Variants in CNTNAP4 observed in about 807,000 individuals in gnomAD.
The protein encoded by CNTNAP4 is contactin associated protein family member 4, also known as contactin-associated protein-like 4.
In CNTNAP4, 98 loss-of-function variants were observed where a neutral mutation model predicts 148.4. The ratio of observed to expected loss-of-function variants is 0.66; its 90% CI spans 0.56 to 0.78. CNTNAP4 has a LOEUF of 0.78. Among genes scored for constraint, CNTNAP4 ranks in the 30% least tolerant of loss-of-function variants. The pLI is 0.00. For missense variants in CNTNAP4, 1,935 were observed against 1,565.6 expected (o/e 1.24, Z -3.98); for synonymous variants, 730 against 565.1 (o/e 1.29, Z -4.14).
intron 15 of CNTNAP4, among the ~76,000 whole-genome samples, chr16:76,503,044 T>C (rs1022127070): frequency 3.3e-5 from 5 of 152,200 alleles, no homozygotes; most frequent in African/African-American, 1.2e-4. Context: ...CAATTTCATT[T>C]TACTGCTGCT....
intron 15 of CNTNAP4, among the ~76,000 whole-genome samples, chr16:76,507,912 A>G (rs2082887506): frequency 2.1e-5 from 2 of 97,002 alleles, no homozygotes; most frequent in African/African-American, 5.2e-5. Flanking sequence ...TATCTGCAAA[A>G]TCTCCCTAAT....
intron 2 of CNTNAP4, among the ~76,000 whole-genome samples, chr16:76,327,614 C>A (rs1963122371): frequency 6.6e-6 from 1 of 152,172 alleles, no homozygotes; most frequent in Admixed American, 6.5e-5. Flanking sequence ...AGGGTCTCAT[C>A]TAGGGCTGTA....
chr16:76,376,796 G>T (rs541487903), intron 3 of CNTNAP4, among the ~76,000 whole-genome samples: 1 of 152,284 alleles, frequency 6.6e-6, no homozygotes, highest in East Asian at 1.9e-4. Flanking sequence ...TGGAGGAAGA[G>T]AAGTACCATG....
At chr16:76,306,104 A>C (rs1960453063) in intron 1 of CNTNAP4, among the ~76,000 whole-genome samples, 1 of 152,170 alleles carries the variant, frequency 6.6e-6, no homozygotes, top group African/African-American at 2.4e-5. Flanking sequence ...TATTCTGAAC[A>C]GTATGGTGAT....
At chr16:76,346,935 C>T (rs1246396316) in intron 2 of CNTNAP4, among the ~76,000 whole-genome samples, 1 of 152,066 alleles carries the variant, frequency 6.6e-6, no homozygotes, top group East Asian at 1.9e-4. Context: ...TGCCAGTTTG[C>T]CATGAGGGAA....
At chr16:76,412,627 T>C (rs1568060074) in intron 3 of CNTNAP4, among the ~76,000 whole-genome samples, 1 of 151,338 alleles carries the variant, frequency 6.6e-6, no homozygotes, top group East Asian at 1.9e-4. Context: ...CAATGTCTAA[T>C]AAGATTAGCA....
At chr16:76,305,924 T>C (rs9944326) in intron 1 of CNTNAP4, among the ~76,000 whole-genome samples, 40,711 of 152,164 alleles carry the variant, frequency 0.27, 6,128 homozygotes, top group Non-Finnish European at 0.35. Flanking sequence ...GCTTTTCTCT[T>C]CCTGCATTAA....
chr16:76,517,929 AT>A (rs1470718283), intron 15 of CNTNAP4, among the ~76,000 whole-genome samples: 9 of 152,148 alleles, frequency 5.9e-5, no homozygotes, highest in Non-Finnish European at 2.9e-5. Flanking sequence ...AAAATAAATT[AT>A]TTTTAAAAGT....
At chr16:76,359,250 C>A (rs1476630483) in intron 3 of CNTNAP4, among the ~76,000 whole-genome samples, 2 of 152,122 alleles carry the variant, frequency 1.3e-5, no homozygotes, top group Non-Finnish European at 2.9e-5. Flanking sequence ...ATGCCAATTT[C>A]CTTTAAGAGC....
At chr16:76,412,669 A>AT (rs150524087) in intron 3 of CNTNAP4, among the ~76,000 whole-genome samples, 52,695 of 150,936 alleles carry the variant, frequency 0.35, 10,822 homozygotes, top group Non-Finnish European at 0.44. Flanking sequence ...GCATTTAAAT[A>AT]CTTTTTTCTC....
Position 76,467,291 on chromosome 16 carries a change from A to T in CNTNAP4, c.1484-61A>T. ...TTTCTTTTATTTTTTAAATGAAGTT[A>T]TCTATGATCCTGAATTCTGATTCAT... On this transcript the variant is annotated intron_variant, in intron 9 of 23. Coordinates refer to ENST00000611870, the MANE Select transcript of CNTNAP4 (RefSeq NM_033401.5). 16 of 1,436,182 alleles carry T rather than the reference A, an allele frequency of 1.1e-5. No individual in the cohort carries two copies. The Middle Eastern group carries it at 5.6e-4, about 51-fold the overall frequency. The allele number at this position is 1,436,182 out of a possible 1,614,324, so 89.0% of individuals were successfully genotyped here.
intron 15 of CNTNAP4, among the ~76,000 whole-genome samples, chr16:76,502,136 T>C (rs938698379): frequency 3.3e-5 from 5 of 152,218 alleles, no homozygotes; most frequent in African/African-American, 4.8e-5. Context: ...CTCTGACTTA[T>C]TAATTAAACA....
chr16:76,293,791 G>A (rs1207393524), intron 1 of CNTNAP4, among the ~76,000 whole-genome samples: 1 of 149,114 alleles, frequency 6.7e-6, no homozygotes, highest in East Asian at 2.0e-4. Context: ...TCTTAGAGGT[G>A]CAAATCATGG....
At chr16:76,341,311 G>C (rs1283763522) in intron 2 of CNTNAP4, among the ~76,000 whole-genome samples, 1 of 152,080 alleles carries the variant, frequency 6.6e-6, no homozygotes, top group Non-Finnish European at 1.5e-5. Context: ...ATGTCTAGAT[G>C]GTGTTCCATT....
chr16:76,489,300 G>A (rs4887866), intron 12 of CNTNAP4, among the ~76,000 whole-genome samples: 131,062 of 152,050 alleles, frequency 0.86, 59,557 homozygotes, highest in Non-Finnish European at 0.99. Flanking sequence ...ATAATAGGCA[G>A]CATTTTTCCT....
intron 2 of CNTNAP4, among the ~76,000 whole-genome samples, chr16:76,329,215 C>T (rs1195341788): frequency 6.6e-6 from 1 of 152,112 alleles, no homozygotes; most frequent in African/African-American, 2.4e-5. Flanking sequence ...GACTGAATGT[C>T]ACTTAACAGT....
intron 1 of CNTNAP4, among the ~76,000 whole-genome samples, chr16:76,287,122 A>G (rs1358285735): frequency 3.3e-5 from 5 of 152,230 alleles, no homozygotes; most frequent in Admixed American, 6.5e-5. Context: ...TCTAAAACAA[A>G]TATACAAAAA....
At chr16:76,425,605 A>G (rs1369924787) in intron 3 of CNTNAP4, among the ~76,000 whole-genome samples, 1 of 152,124 alleles carries the variant, frequency 6.6e-6, no homozygotes, top group Non-Finnish European at 1.5e-5. Context: ...TGTCAGGTAC[A>G]CAGGTACTTT....
chr16:76,363,044 G>C (rs2013632911), intron 3 of CNTNAP4, among the ~76,000 whole-genome samples: 1 of 146,900 alleles, frequency 6.8e-6, no homozygotes, highest in Admixed American at 7.0e-5. Context: ...AATATAGCAA[G>C]ACCCATGCTC....
Sources: gnomAD v4.1 joint callset for allele counts (sites outside exome capture counted in the v4.1 genomes callset) on GRCh38, gnomAD v4.1.1 for gene constraint, MANE v1.5 for transcripts, NCBI Gene and HGNC (gene_info 2026-07-23, HGNC 2026-07-21) for gene names.